Variants in RHOBTB1 observed in about 807,000 individuals in gnomAD.
RHOBTB1 encodes Rho related BTB domain containing 1.
Under a neutral mutation model 71.6 loss-of-function variants are expected in RHOBTB1, and 40 were observed. The observed-to-expected ratio is 0.56, with a 90% CI of 0.43 to 0.73. The LOEUF is 0.73. RHOBTB1 is among the 30% of genes least tolerant of loss of function. The probability of loss-of-function intolerance (pLI) is 0.00; values close to 1 mark genes in which losing one functional copy is unlikely to be tolerated. For synonymous variants in RHOBTB1, 319 were observed against 334.9 expected (o/e 0.95, Z 0.52); for missense variants, 797 against 894.0 (o/e 0.89, Z 1.38).
chr10:60,931,121 A>G (rs2084222486), intron 2 of RHOBTB1, among the ~76,000 whole-genome samples: 1 of 152,148 alleles, frequency 6.6e-6, no homozygotes, highest in South Asian at 2.1e-4. Flanking sequence ...GCCATTTTCT[A>G]CTTTTCTTTT....
intron 2 of RHOBTB1, among the ~76,000 whole-genome samples, chr10:60,980,427 T>C (rs1565183075): frequency 6.6e-6 from 1 of 152,132 alleles, no homozygotes; most frequent in East Asian, 1.9e-4. Flanking sequence ...AAGGAATAGA[T>C]TAAAAATGTC....
intron 2 of RHOBTB1, among the ~76,000 whole-genome samples, chr10:60,955,520 G>A (rs1039044282): frequency 1.3e-5 from 2 of 152,158 alleles, no homozygotes; most frequent in Non-Finnish European, 2.9e-5. Context: ...TATTCAAGGA[G>A]TATCTGTCCT....
At chr10:60,971,110 G>C (rs959406811) in intron 2 of RHOBTB1, among the ~76,000 whole-genome samples, 4 of 151,846 alleles carry the variant, frequency 2.6e-5, no homozygotes, top group Non-Finnish European at 4.4e-5. Flanking sequence ...AATAACATGA[G>C]CACCTGAATT....
intron 4 of RHOBTB1, among the ~76,000 whole-genome samples, chr10:60,895,339 TTTAGGTGCTATGAGAATC>T (rs2082109923): frequency 6.6e-6 from 1 of 152,192 alleles, no homozygotes; most frequent in Non-Finnish European, 1.5e-5. Context: ...CATATTCACA[TTTAGGTGCTATGAGAATC>T]TGTGCTCATT....
intron 4 of RHOBTB1, among the ~76,000 whole-genome samples, chr10:60,895,683 C>A (rs1369976658): frequency 6.6e-6 from 1 of 152,250 alleles, no homozygotes; most frequent in Non-Finnish European, 1.5e-5. Flanking sequence ...GGATTACAGG[C>A]GCAAGCCACC....
chr10:60,965,895 A>G (rs2085940520), intron 2 of RHOBTB1, among the ~76,000 whole-genome samples: 1 of 152,252 alleles, frequency 6.6e-6, no homozygotes, highest in Middle Eastern at 3.4e-3. Context: ...TTGAGGAAAT[A>G]AAGGGAGGAA....
At chr10:60,996,113 G>A (rs559728272) in intron 1 of RHOBTB1, among the ~76,000 whole-genome samples, 112 of 152,274 alleles carry the variant, frequency 7.4e-4, no homozygotes, top group Non-Finnish European at 1.1e-3. Context: ...CGTAAATGGA[G>A]GAGCTCTTAC....
intron 2 of RHOBTB1, among the ~76,000 whole-genome samples, chr10:60,933,045 T>C (rs1341373120): frequency 2.0e-5 from 3 of 152,250 alleles, no homozygotes; most frequent in Admixed American, 2.0e-4. Context: ...ATGCTTTGAT[T>C]CAGGCAAACA....
chr10:60,880,202 T>TGAGAGAGA (rs71018931), intron 7 of RHOBTB1, among the ~76,000 whole-genome samples: 14 of 127,008 alleles, frequency 1.1e-4, no homozygotes, highest in South Asian at 2.8e-4. Context: ...TGTGTGTGTG[T>TGAGAGAGA]GAGAGAGAGA....
intron 2 of RHOBTB1, chr10:60,912,895 C>T (rs2083065198): frequency 6.6e-6 from 1 of 152,138 alleles, no homozygotes; most frequent in Admixed American, 6.5e-5. Flanking sequence ...ACAGATGCTA[C>T]ACTTGATCTT....
At chr10:60,916,958 G>A (rs1375338730) in intron 2 of RHOBTB1, among the ~76,000 whole-genome samples, 1 of 152,190 alleles carries the variant, frequency 6.6e-6, no homozygotes, top group Non-Finnish European at 1.5e-5. Flanking sequence ...GAAGGAAGGG[G>A]CTGCAAGCCA....
chr10:60,979,106 A>G (rs1428552168), intron 2 of RHOBTB1, among the ~76,000 whole-genome samples: 1 of 152,152 alleles, frequency 6.6e-6, no homozygotes, highest in African/African-American at 2.4e-5. Flanking sequence ...AGGCTCTAAT[A>G]TTTATGCTAG....
At chr10:60,891,241 G>A (rs921849301) in intron 5 of RHOBTB1, among the ~76,000 whole-genome samples, 5 of 151,864 alleles carry the variant, frequency 3.3e-5, no homozygotes, top group Non-Finnish European at 7.4e-5. Flanking sequence ...ACTATTGCTT[G>A]GAGAGCATAA....
At chr10:60,865,188 T>C (rs1221963905), downstream of RHOBTB1, among the ~76,000 whole-genome samples, 3 of 152,192 alleles carry the variant, frequency 2.0e-5, no homozygotes, top group Non-Finnish European at 2.9e-5. Context: ...TTATGTCCAA[T>C]AAATAATTTA....
At chr10:60,884,659 A>G (rs1423663070) in intron 7 of RHOBTB1, among the ~76,000 whole-genome samples, 2 of 152,184 alleles carry the variant, frequency 1.3e-5, no homozygotes, top group African/African-American at 4.8e-5. Context: ...AGCCCTAAAA[A>G]AGAGGAAAAT....
At chr10:60,967,566 A>AT (rs1462502672) in intron 2 of RHOBTB1, among the ~76,000 whole-genome samples, 2 of 151,856 alleles carry the variant, frequency 1.3e-5, no homozygotes, top group Non-Finnish European at 2.9e-5. Context: ...GAGCTGTAAG[A>AT]TTTTTTTCTT....
chr10:60,996,103 C>T (rs1308452754), intron 1 of RHOBTB1, among the ~76,000 whole-genome samples: 3 of 152,138 alleles, frequency 2.0e-5, no homozygotes, highest in African/African-American at 7.2e-5. Context: ...ACTCATAGCT[C>T]GTAAATGGAG....
Position 60,871,641 on chromosome 10 carries a change from T to G in RHOBTB1, c.1932A>C (p.Glu644Asp). The change falls in exon 11 of 11, where the codon GAA becomes GAC. Residue 644 changes from glutamate (E) to aspartate (D), a missense_variant. This residue lies in a region of RHOBTB1 where 658 missense variants were observed against 681.5 expected (regional missense o/e 0.97). Transcript: ENST00000337910. ...GGGGCCAGCGGTGCCGCTCGAAGTATTCCTGGTTGTCTGGTGAAGGAAAGA... is the reference window on the plus strand; with the variant it reads ...GGGGCCAGCGGTGCCGCTCGAAGTAGTCCTGGTTGTCTGGTGAAGGAAAGA... The part of the protein sequence containing the change: ...EIKSKSADNQ[E>D]YFERHRWPPV... 1 of 1,613,800 alleles carries G rather than the reference T, an allele frequency of 6.2e-7. No homozygotes were observed. The highest frequency in any genetic ancestry group is 2.2e-5 in the East Asian group (1 of 44,846).
intron 4 of RHOBTB1, among the ~76,000 whole-genome samples, chr10:60,898,303 A>G (rs2082256479): frequency 6.6e-6 from 1 of 152,152 alleles, no homozygotes; most frequent in African/African-American, 2.4e-5. Flanking sequence ...TAACTGAGGT[A>G]GGTTCTTTAC....
Sources: allele counts gnomAD v4.1 joint callset (sites outside exome capture counted in the v4.1 genomes callset), GRCh38; gene constraint gnomAD v4.1.1; regional missense constraint gnomAD v4.1.1; transcripts MANE v1.5; gene names NCBI Gene and HGNC (gene_info 2026-07-23, HGNC 2026-07-21).